KAZN: variants seen among roughly 807,000 people sequenced by gnomAD.
KAZN encodes kazrin.
A neutral mutation model predicts 87.4 loss-of-function variants in KAZN; 40 were observed. That is an observed-to-expected ratio of 0.46 (90% CI 0.36 to 0.60). The LOEUF (loss-of-function observed/expected upper bound fraction) is 0.60. Ranked by LOEUF, KAZN falls within the 20% of genes least tolerant of loss-of-function variation. KAZN has a pLI of 0.00. For synonymous variants in KAZN, 466 were observed against 458.3 expected (o/e 1.02, Z -0.22); for missense variants, 898 against 1,073.9 (o/e 0.84, Z 2.29).
chr1:14,042,464 G>A (rs1641880031), intron 1 of KAZN, among the ~76,000 whole-genome samples: 1 of 152,128 alleles, frequency 6.6e-6, no homozygotes, highest in South Asian at 2.1e-4. Context: ...TCAAGTTCCT[G>A]AGCAGGTCTA....
chr1:15,040,177 G>T (rs985770458), intron 3 of KAZN, among the ~76,000 whole-genome samples: 2 of 152,210 alleles, frequency 1.3e-5, no homozygotes, highest in African/African-American at 4.8e-5. Context: ...GAAGCCACAA[G>T]TCCTGGTTTT....
At chr1:13,975,621 A>C (rs1243326989) in intron 1 of KAZN, among the ~76,000 whole-genome samples, 2 of 152,240 alleles carry the variant, frequency 1.3e-5, no homozygotes, top group Non-Finnish European at 2.9e-5. Context: ...ATACTCATCA[A>C]ATATTGATCA....
At chr1:15,079,867 T>C (rs1639916689) in intron 8 of KAZN, among the ~76,000 whole-genome samples, 1 of 152,212 alleles carries the variant, frequency 6.6e-6, no homozygotes, top group Non-Finnish European at 1.5e-5. Flanking sequence ...GTGGAACAGG[T>C]TAGCAAGGAA....
At chr1:14,786,878 T>C (rs143703501) in intron 1 of KAZN, among the ~76,000 whole-genome samples, 12 of 152,276 alleles carry the variant, frequency 7.9e-5, no homozygotes, top group African/African-American at 2.6e-4. Context: ...TAGTAAACAG[T>C]GAAGGGCCAT....
At position 14,315,996 on chromosome 1, in the gene KAZN, C is replaced by T. The variant is rs531983609; in HGVS notation, c.249+135404C>T. Among the ~76,000 whole-genome samples the T allele has an allele frequency of 1.3e-5, 2 of 152,056 alleles. 1 individual carries two copies. Among genetic ancestry groups the T allele is most frequent in the South Asian group, 4.2e-4 (2 of 4,818 alleles). On this transcript the variant is annotated intron_variant, in intron 2 of 16. Transcript: ENST00000636203. Reference sequence around the variant, plus strand: ...CCCAACTTCTGCCCAGGTAGTTTTACCATTTCACATTCCCACCAGCTATGT... The same window carrying T: ...CCCAACTTCTGCCCAGGTAGTTTTATCATTTCACATTCCCACCAGCTATGT...
intron 2 of KAZN, among the ~76,000 whole-genome samples, chr1:14,327,238 T>C (rs1304259177): frequency 6.6e-6 from 1 of 152,166 alleles, no homozygotes; most frequent in Non-Finnish European, 1.5e-5. Flanking sequence ...AATGTCACCG[T>C]CACTGACTTG....
At chr1:14,943,930 C>T (rs1387422955) in intron 1 of KAZN, among the ~76,000 whole-genome samples, 2 of 152,120 alleles carry the variant, frequency 1.3e-5, no homozygotes, top group Non-Finnish European at 2.9e-5. Context: ...ACTAATTAGC[C>T]GGGCGTGGTG....
chr1:14,640,065 C>T (rs928153340), intron 1 of KAZN, among the ~76,000 whole-genome samples: 6 of 152,126 alleles, frequency 3.9e-5, no homozygotes, highest in Admixed American at 3.3e-4. Flanking sequence ...AAAGGTTGTT[C>T]GAGAAATGCT....
chr1:14,731,048 G>T (rs1056889740), intron 1 of KAZN, among the ~76,000 whole-genome samples: 1 of 152,064 alleles, frequency 6.6e-6, no homozygotes, highest in Non-Finnish European at 1.5e-5. Flanking sequence ...GTGATGTATT[G>T]TTACATAGGA....
At chr1:14,479,328 C>T (rs1668942515) in intron 2 of KAZN, among the ~76,000 whole-genome samples, 1 of 152,194 alleles carries the variant, frequency 6.6e-6, no homozygotes, top group Non-Finnish European at 1.5e-5. Flanking sequence ...CCAGAATGAT[C>T]TACAAAACGC....
chr1:15,103,583 G>A, intron 12 of KAZN, 123 bp downstream of exon 12: 1 of 716,466 alleles, frequency 1.4e-6, no homozygotes. Flanking sequence ...AAATCAATGG[G>A]CAAATCCCAC....
At chr1:14,181,467 T>G (rs567263514) in intron 2 of KAZN, among the ~76,000 whole-genome samples, 56 of 152,312 alleles carry the variant, frequency 3.7e-4, no homozygotes, top group Non-Finnish European at 7.6e-4. Flanking sequence ...ACGCTGGTAG[T>G]GGTTTATGTT....
chr1:14,759,640 G>A (rs777270689), intron 1 of KAZN, among the ~76,000 whole-genome samples: 3 of 152,104 alleles, frequency 2.0e-5, no homozygotes, highest in Admixed American at 6.5e-5. Context: ...AGCATCAGAC[G>A]GCTTTAATAT....
intron 1 of KAZN, among the ~76,000 whole-genome samples, chr1:14,896,676 C>A (rs933880453): frequency 3.3e-5 from 5 of 152,156 alleles, no homozygotes; most frequent in African/African-American, 4.8e-5. Flanking sequence ...GAAAGCCCAT[C>A]TTTTCTAGGG....
At chr1:14,697,272 G>C (rs955765559) in intron 1 of KAZN, among the ~76,000 whole-genome samples, 3 of 151,850 alleles carry the variant, frequency 2.0e-5, no homozygotes, top group Non-Finnish European at 2.9e-5. Context: ...CAAGGCTACA[G>C]TGAGCCATGA....
chr1:14,237,464 G>C lies in KAZN; in HGVS notation c.249+56872G>C, dbSNP rs116581058. ...TCATGCATTCACTGGTCTCTGGACTGTTTCATTTCCAAACTCATTTGGAGA... is the reference window on the plus strand; with the variant it reads ...TCATGCATTCACTGGTCTCTGGACTCTTTCATTTCCAAACTCATTTGGAGA... On this transcript the variant is annotated intron_variant, in intron 2 of 16. Transcript: ENST00000636203. Among the ~76,000 whole-genome samples the C allele has an allele frequency of 7.2e-3, 1,094 of 152,098 alleles. 10 individuals are homozygous for C. Among genetic ancestry groups the C allele is most frequent in the African/African-American group, 0.025 (1,040 of 41,470 alleles).
chr1:14,084,706 A>G (rs12410169), intron 1 of KAZN, among the ~76,000 whole-genome samples: 14,933 of 133,636 alleles, frequency 0.11, 926 homozygotes, highest in Admixed American at 0.16. Flanking sequence ...AAAAATGTAC[A>G]TGTGTGTCAC....
intron 2 of KAZN, among the ~76,000 whole-genome samples, chr1:14,545,580 G>A (rs1673089016): frequency 6.6e-6 from 1 of 152,118 alleles, no homozygotes; most frequent in Non-Finnish European, 1.5e-5. Flanking sequence ...TGTATTACCT[G>A]GCCTCTGGTA....
At chr1:15,009,491 A>T (rs1669368138) in intron 2 of KAZN, among the ~76,000 whole-genome samples, 1 of 152,200 alleles carries the variant, frequency 6.6e-6, no homozygotes, top group African/African-American at 2.4e-5. Flanking sequence ...CAGGCTGGGG[A>T]AACGTGCTTC....
Sources: gnomAD v4.1 joint callset for allele counts (sites outside exome capture counted in the v4.1 genomes callset) on GRCh38, gnomAD v4.1.1 for gene constraint, MANE v1.5 for transcripts, NCBI Gene and HGNC (gene_info 2026-07-23, HGNC 2026-07-21) for gene names.